The following IFT88 variants were observed in gnomAD, a reference collection of about 807,000 sequenced individuals.
IFT88 encodes intraflagellar transport protein 88 homolog.
Under a neutral mutation model 119.5 loss-of-function variants are expected in IFT88, and 74 were observed. That is an observed-to-expected ratio of 0.62 (90% CI 0.51 to 0.75). IFT88 has a LOEUF of 0.75. Ranked by LOEUF, IFT88 falls within the 30% of genes least tolerant of loss-of-function variation. The probability of loss-of-function intolerance (pLI) is 0.00; values close to 1 mark genes in which losing one functional copy is unlikely to be tolerated. For missense variants in IFT88, 961 were observed against 977.7 expected (o/e 0.98, Z 0.23); for synonymous variants, 279 against 316.7 (o/e 0.88, Z 1.26).
At chr13:20,645,310 G>C (rs528813843) in intron 20 of IFT88, among the ~76,000 whole-genome samples, 15 of 152,110 alleles carry the variant, frequency 9.9e-5, no homozygotes, top group Admixed American at 5.9e-4. Context: ...GGCTGGTCTC[G>C]AACTCCTGAC....
intron 15 of IFT88, among the ~76,000 whole-genome samples, chr13:20,628,497 T>C (rs548200778): frequency 1.3e-5 from 2 of 152,320 alleles, no homozygotes; most frequent in Admixed American, 6.5e-5. Flanking sequence ...TAGAATGAAA[T>C]TTAATTTTGA....
chr13:20,687,444 T>C (rs1312380996), intron 24 of IFT88, among the ~76,000 whole-genome samples: 2 of 152,196 alleles, frequency 1.3e-5, no homozygotes, highest in East Asian at 3.8e-4. Flanking sequence ...ACTATTTGTC[T>C]AACAGGCAAG....
At chr13:20,568,178 T>G (rs1490372845) in intron 1 of IFT88, among the ~76,000 whole-genome samples, 1 of 151,316 alleles carries the variant, frequency 6.6e-6, no homozygotes, top group African/African-American at 2.4e-5. Context: ...TACCTTTCAC[T>G]TAAAAAAAAA....
intron 1 of IFT88, chr13:20,567,614 A>C (rs910603701): frequency 1.6e-5 from 7 of 441,878 alleles, no homozygotes; most frequent in Non-Finnish European, 2.2e-5. Context: ...TTACTGCGCC[A>C]GCTCTGGAAT....
rs540392644 is a variant in IFT88 at position 20,662,586 on chromosome 13, T to C, written c.2069-912T>C. On this transcript the variant is annotated intron_variant, in intron 22 of 25. Transcript: ENST00000351808. Reference sequence around the variant, plus strand: ...TGAGTAACTTTTATTTTTTGTTTTTTACCTTTGTATGTTTTACAAATTCTC... The same window carrying C: ...TGAGTAACTTTTATTTTTTGTTTTTCACCTTTGTATGTTTTACAAATTCTC... 2.1e-3 allele frequency among the ~76,000 whole-genome samples: 324 copies of C among 152,386 alleles called. 1 individual carries two copies. Among genetic ancestry groups the C allele is most frequent in the Non-Finnish European group, 3.6e-3 (242 of 68,030 alleles).
chr13:20,583,294 CTTACA>C (rs977109767), intron 3 of IFT88, among the ~76,000 whole-genome samples: 3 of 152,118 alleles, frequency 2.0e-5, no homozygotes, highest in African/African-American at 7.2e-5. Context: ...ATTTAGATAC[CTTACA>C]TAAGTGGAGT....
chr13:20,637,697 G>A (rs564400281), intron 16 of IFT88, among the ~76,000 whole-genome samples: 7 of 152,284 alleles, frequency 4.6e-5, no homozygotes, highest in African/African-American at 1.7e-4. Context: ...TGAGACTAAA[G>A]GCCACTGCTT....
chr13:20,673,690 A>G (rs1207137258), intron 24 of IFT88, among the ~76,000 whole-genome samples: 1 of 152,200 alleles, frequency 6.6e-6, no homozygotes, highest in African/African-American at 2.4e-5. Flanking sequence ...GTGTGCTATA[A>G]AAGAGAGGCC....
At position 20,644,573 on chromosome 13, in the gene IFT88, ATC is replaced by A. The variant is rs575393694; in HGVS notation, c.1834-266_1834-265del. ...ATTTTTCTCTTGAGGCACGATTTGC[ATC>A]TCTTTTTTATTCTTTTAAATATTTA... On this transcript the variant is annotated intron_variant, in intron 19 of 25. Coordinates refer to ENST00000351808, the MANE Select transcript of IFT88 (RefSeq NM_006531.5). 8.9e-4 allele frequency among the ~76,000 whole-genome samples: 136 copies of A among 152,174 alleles called. No homozygotes were observed. The Middle Eastern group carries it at 0.031, about 34-fold the overall frequency.
chr13:20,606,272 T>A (rs2043432493), intron 13 of IFT88, among the ~76,000 whole-genome samples: 1 of 152,136 alleles, frequency 6.6e-6, no homozygotes, highest in Non-Finnish European at 1.5e-5. Context: ...CCTTGGGTAG[T>A]GTCAGAGGAG....
chr13:20,581,770 C>T (rs566752367), intron 2 of IFT88, among the ~76,000 whole-genome samples: 1 of 151,268 alleles, frequency 6.6e-6, no homozygotes, highest in Admixed American at 6.6e-5. Context: ...GGACAATCAC[C>T]TGAGCCTGGG....
intron 2 of IFT88, among the ~76,000 whole-genome samples, chr13:20,580,245 C>T (rs774200375): frequency 7.9e-5 from 12 of 152,068 alleles, no homozygotes; most frequent in Non-Finnish European, 1.2e-4. Context: ...CTGCCAGACG[C>T]GGGGACTCAC....
intron 2 of IFT88, among the ~76,000 whole-genome samples, chr13:20,575,654 T>A (rs1253210901): frequency 6.6e-6 from 1 of 152,126 alleles, no homozygotes; most frequent in East Asian, 1.9e-4. Flanking sequence ...CCCTGAGGCC[T>A]CCCCAGAAAC....
chr13:20,690,877 C>T (rs967471669), intron 25 of IFT88, 62 bp downstream of exon 25: 36 of 1,400,602 alleles, frequency 2.6e-5, no homozygotes, highest in African/African-American at 1.4e-5. Flanking sequence ...GGTGAGATGG[C>T]CAAAAGGTGT....
At chr13:20,597,548 T>G (rs554429123) in intron 9 of IFT88, among the ~76,000 whole-genome samples, 2 of 151,958 alleles carry the variant, frequency 1.3e-5, no homozygotes, top group South Asian at 4.2e-4. Context: ...ATCGAGACCA[T>G]CCTGGCTAAC....
chr13:20,643,361 A>G, intron 18 of IFT88, 94 bp from the exon 19 acceptor site: 1 of 943,748 alleles, frequency 1.1e-6, no homozygotes, highest in Non-Finnish European at 1.6e-6. Context: ...ACATTACTGT[A>G]GGCTAAGAAA....
intron 13 of IFT88, among the ~76,000 whole-genome samples, chr13:20,606,611 G>A (rs1218496028): frequency 1.3e-5 from 2 of 152,210 alleles, no homozygotes; most frequent in Non-Finnish European, 2.9e-5. Flanking sequence ...GGGCACGGTG[G>A]CTCACGCCTG....
intron 7 of IFT88, among the ~76,000 whole-genome samples, chr13:20,594,976 T>C (rs756987929): frequency 9.8e-5 from 15 of 152,366 alleles, no homozygotes; most frequent in South Asian, 2.1e-4. Context: ...ATTCAGAGTA[T>C]TGTTGTATTT....
At chr13:20,589,451 C>T (rs998503202) in intron 3 of IFT88, among the ~76,000 whole-genome samples, 1 of 152,030 alleles carries the variant, frequency 6.6e-6, no homozygotes, top group African/African-American at 2.4e-5. Flanking sequence ...AGATTCAAAC[C>T]CAAGTTCTCA....
Sources: gnomAD v4.1 joint callset for allele counts (sites outside exome capture counted in the v4.1 genomes callset) on GRCh38, gnomAD v4.1.1 for gene constraint, MANE v1.5 for transcripts, NCBI Gene and HGNC (gene_info 2026-07-23, HGNC 2026-07-21) for gene names.